The following PATJ variants were observed in gnomAD, a reference collection of about 807,000 sequenced individuals.
PATJ encodes the protein inaD-like protein.
A neutral mutation model predicts 224.9 loss-of-function variants in PATJ; 190 were observed. That is an observed-to-expected ratio of 0.84 (90% CI 0.75 to 0.95). The LOEUF (loss-of-function observed/expected upper bound fraction) is 0.95, where lower values mean the gene tolerates loss of function less well. PATJ is among the 40% of genes least tolerant of loss of function. PATJ has a pLI of 0.00. For synonymous variants in PATJ, 769 were observed against 820.3 expected, an observed-to-expected ratio of 0.94 and a Z score of 1.07; for missense variants, 2,121 against 2,270.3, an observed-to-expected ratio of 0.93 and a Z score of 1.34.
At chr1:61,874,772 T>C (rs938883383) in intron 20 of PATJ, among the ~76,000 whole-genome samples, 11 of 152,266 alleles carry the variant, frequency 7.2e-5, no homozygotes, top group African/African-American at 2.7e-4. Context: ...TTTTAGGTTT[T>C]AGGTTTGATA....
intron 20 of PATJ, among the ~76,000 whole-genome samples, chr1:61,868,024 G>A (rs1280401985): frequency 6.6e-6 from 1 of 152,144 alleles, no homozygotes; most frequent in Admixed American, 6.5e-5. Flanking sequence ...TATATTTGTG[G>A]AGGGCAAATG....
At chr1:62,048,740 A>G (rs1653038845) in intron 30 of PATJ, among the ~76,000 whole-genome samples, 1 of 152,098 alleles carries the variant, frequency 6.6e-6, no homozygotes, top group African/African-American at 2.4e-5. Context: ...TTTAAAAACA[A>G]GTTAAGTTAC....
At chr1:61,963,192 A>G (rs1483406139) in intron 27 of PATJ, among the ~76,000 whole-genome samples, 2 of 152,240 alleles carry the variant, frequency 1.3e-5, no homozygotes, top group African/African-American at 2.4e-5. Flanking sequence ...AAACTTTACT[A>G]ATAGCCTACT....
intron 22 of PATJ, among the ~76,000 whole-genome samples, chr1:61,895,978 A>G (rs1324462753): frequency 6.6e-6 from 1 of 152,296 alleles, no homozygotes; most frequent in Admixed American, 6.5e-5. Context: ...ACATGGAGTC[A>G]AGGGAGATCA....
chr1:61,965,753 T>C (rs1682035431), intron 27 of PATJ, among the ~76,000 whole-genome samples: 1 of 152,174 alleles, frequency 6.6e-6, no homozygotes, highest in Non-Finnish European at 1.5e-5. Context: ...CTAGGTTTTA[T>C]TGCCCGTTTT....
chr1:61,808,526 C>A lies in PATJ; in HGVS notation c.1679C>A (p.Ser560Ter). The A allele has an allele frequency of 6.3e-7, 1 of 1,593,738 alleles. No homozygotes were observed. The highest frequency in any genetic ancestry group is 8.6e-7 in the Non-Finnish European group (1 of 1,162,636). ...IADDAELQKY[S>*]KLLPIHTLRL... ...GATGATGCTGAGTTACAGAAATATT[C>A]AAAGGTAAGCATTTTTTATAACAAA... The change falls in exon 14 of 44, where the codon TCA becomes TAA. Residue 560 changes from serine to a stop codon, truncating the protein, a stop_gained. Transcript: ENST00000642238. LOFTEE classifies it high-confidence loss of function.
At chr1:61,783,147 A>G (rs985715769) in intron 7 of PATJ, among the ~76,000 whole-genome samples, 3 of 152,174 alleles carry the variant, frequency 2.0e-5, no homozygotes, top group Non-Finnish European at 4.4e-5. Flanking sequence ...GTCCCAAGCA[A>G]TTTTGCTTTG....
At chr1:61,802,988 A>G (rs1417913953) in intron 12 of PATJ, among the ~76,000 whole-genome samples, 1 of 152,108 alleles carries the variant, frequency 6.6e-6, no homozygotes. Flanking sequence ...ATGATTTGGA[A>G]ATTTACCTTG....
At chr1:62,046,078 T>A (rs997161201) in intron 30 of PATJ, among the ~76,000 whole-genome samples, 4 of 152,062 alleles carry the variant, frequency 2.6e-5, no homozygotes, top group African/African-American at 9.7e-5. Flanking sequence ...GGTGCATGCA[T>A]GTAGTCCCAG....
chr1:62,119,611 C>T (rs1173637630), intron 37 of PATJ, among the ~76,000 whole-genome samples: 1 of 152,034 alleles, frequency 6.6e-6, no homozygotes, highest in Non-Finnish European at 1.5e-5. Context: ...TTTCCTCAGC[C>T]AACTAAGGGA....
chr1:62,014,386 C>A (rs1250618889), intron 28 of PATJ, among the ~76,000 whole-genome samples: 1 of 151,738 alleles, frequency 6.6e-6, no homozygotes, highest in East Asian at 2.0e-4. Context: ...ATTTAAAGTA[C>A]CTTGTTTGTA....
At chr1:62,031,026 G>A (rs115252531) in intron 29 of PATJ, among the ~76,000 whole-genome samples, 76 of 152,182 alleles carry the variant, frequency 5.0e-4, no homozygotes, top group African/African-American at 1.7e-3. Context: ...TTAGAATCAG[G>A]GTAGACACAG....
intron 1 of PATJ, among the ~76,000 whole-genome samples, chr1:61,761,917 G>A (rs1292560523): frequency 6.6e-6 from 1 of 151,964 alleles, no homozygotes; most frequent in African/African-American, 2.4e-5. Flanking sequence ...CAAACTCTGG[G>A]GCAGAAGTGA....
At chr1:61,956,162 A>G (rs926027001) in intron 27 of PATJ, among the ~76,000 whole-genome samples, 1 of 152,236 alleles carries the variant, frequency 6.6e-6, no homozygotes, top group African/African-American at 2.4e-5. Flanking sequence ...TCTCAGCACA[A>G]ACTGACTTAT....
chr1:61,954,530 AAGAG>A (rs1680159830), intron 27 of PATJ, among the ~76,000 whole-genome samples: 1 of 152,192 alleles, frequency 6.6e-6, no homozygotes, highest in Non-Finnish European at 1.5e-5. Flanking sequence ...ATGTTGAACA[AAGAG>A]AGGGCATTGT....
At chr1:61,953,020 A>G (rs989994798) in intron 27 of PATJ, among the ~76,000 whole-genome samples, 2 of 152,136 alleles carry the variant, frequency 1.3e-5, no homozygotes, top group Non-Finnish European at 2.9e-5. Context: ...TAAATCTACA[A>G]ATTTAAATTC....
intron 20 of PATJ, among the ~76,000 whole-genome samples, chr1:61,871,032 T>C (rs1299751381): frequency 2.0e-5 from 3 of 151,870 alleles, no homozygotes; most frequent in Non-Finnish European, 4.4e-5. Flanking sequence ...GAAATGTCTG[T>C]TCAAGTCCTT....
intron 33 of PATJ, among the ~76,000 whole-genome samples, chr1:62,090,645 C>T (rs1433381231): frequency 1.3e-5 from 2 of 152,030 alleles, no homozygotes; most frequent in Non-Finnish European, 2.9e-5. Context: ...TTTTTATTTC[C>T]TTCTATCCAT....
At chr1:61,784,443 A>G (rs898498152) in intron 7 of PATJ, among the ~76,000 whole-genome samples, 3 of 152,214 alleles carry the variant, frequency 2.0e-5, no homozygotes, top group Non-Finnish European at 4.4e-5. Flanking sequence ...ACTAATGACT[A>G]TTTTTGTACT....
Sources: allele counts gnomAD v4.1 joint callset (sites outside exome capture counted in the v4.1 genomes callset), GRCh38; gene constraint gnomAD v4.1.1; transcripts MANE v1.5; gene names NCBI Gene and HGNC (gene_info 2026-07-23, HGNC 2026-07-21).